MXI1: variants seen among roughly 807,000 people sequenced by gnomAD.
MXI1 encodes MAX interactor 1, dimerization protein.
Under a neutral mutation model 36.9 loss-of-function variants are expected in MXI1, and 18 were observed. That is an observed-to-expected ratio of 0.49 (90% CI 0.34 to 0.72). The LOEUF (loss-of-function observed/expected upper bound fraction) is 0.72, where lower values mean the gene tolerates loss of function less well. Ranked by LOEUF, MXI1 falls within the 30% of genes least tolerant of loss-of-function variation. The probability of loss-of-function intolerance (pLI) is 0.01; values close to 1 mark genes in which losing one functional copy is unlikely to be tolerated. For synonymous variants in MXI1, 160 were observed against 146.7 expected (o/e 1.09, Z -0.65); for missense variants, 304 against 379.1 (o/e 0.80, Z 1.64).
chr10:110,247,583 C>G (rs1347626160), intron 3 of MXI1, among the ~76,000 whole-genome samples: 2 of 152,108 alleles, frequency 1.3e-5, no homozygotes, highest in African/African-American at 2.4e-5. Flanking sequence ...AGGAAGGGAT[C>G]CAGTTTCAGC....
intron 3 of MXI1, among the ~76,000 whole-genome samples, chr10:110,248,941 A>G (rs1056977166): frequency 6.6e-6 from 1 of 152,186 alleles, no homozygotes; most frequent in Admixed American, 6.5e-5. Context: ...AAAAACAAAA[A>G]TACTGGTAGA....
chr10:110,220,595 C>T (rs1328542272), intron 1 of MXI1, among the ~76,000 whole-genome samples: 1 of 152,110 alleles, frequency 6.6e-6, no homozygotes, highest in South Asian at 2.1e-4. Context: ...CAGGGCAACT[C>T]GAGGCCAGCT....
intron 4 of MXI1, 40 bp downstream of exon 4, chr10:110,279,334 T>C (rs761333195): frequency 1.3e-6 from 2 of 1,542,072 alleles, no homozygotes; most frequent in Non-Finnish European, 1.8e-6. Context: ...ATTCCCTCAG[T>C]TCTGGTTTAA....
rs557467858 is a variant in MXI1, at chr10:110,261,854, G to A, written c.437+16997G>A. Among the ~76,000 whole-genome samples, 3 of 152,128 alleles carry A rather than the reference G, an allele frequency of 2.0e-5. No individual in the cohort carries two copies. The South Asian group carries it at 6.2e-4, about 32-fold the overall frequency. The stretch of plus-strand genomic sequence containing the variant: ...CTTCTACTCATGTACAGATAGGCAT[G>A]AACAAGAATAACAAAAGTGTTTATA... On this transcript the variant is annotated intron_variant, in intron 3 of 5. Transcript: ENST00000332674.
intron 3 of MXI1, among the ~76,000 whole-genome samples, chr10:110,273,772 A>T (rs1348599491): frequency 6.6e-6 from 1 of 152,198 alleles, no homozygotes; most frequent in Non-Finnish European, 1.5e-5. Flanking sequence ...TGATTTAGTT[A>T]TCTGGTAAAG....
At chr10:110,260,239 C>T (rs11195049) in intron 3 of MXI1, among the ~76,000 whole-genome samples, 5 of 151,890 alleles carry the variant, frequency 3.3e-5, no homozygotes, top group Non-Finnish European at 5.9e-5. Context: ...TAAGTTAAAC[C>T]ACTTCTTGGA....
At chr10:110,268,917 G>A (rs1197347912) in intron 3 of MXI1, among the ~76,000 whole-genome samples, 7 of 152,168 alleles carry the variant, frequency 4.6e-5, no homozygotes, top group Admixed American at 3.3e-4. Context: ...GGTTGCAAAT[G>A]GCCTGTAAAT....
rs564138282 is a variant in MXI1, at chr10:110,245,575, T to TG, written c.437+719dup. Among the ~76,000 whole-genome samples, 9 of 152,296 alleles carry TG rather than the reference T, an allele frequency of 5.9e-5. No individual in the cohort carries two copies. In the East Asian group the frequency reaches 1.7e-3, roughly 29 times the overall value. On this transcript the variant is annotated intron_variant, in intron 3 of 5. Coordinates refer to ENST00000332674, the MANE Select transcript of MXI1 (RefSeq NM_130439.3). ...TGAGGAAACTGCAAAAGGTTCAGTG[T>TG]GACTATAAAAGATTGTAACATGAGT...
At chr10:110,230,605 C>G (rs899111608) in intron 2 of MXI1, among the ~76,000 whole-genome samples, 1 of 152,230 alleles carries the variant, frequency 6.6e-6, no homozygotes, top group Non-Finnish European at 1.5e-5. Context: ...AAATGAAACA[C>G]TAGAAATTAT....
At chr10:110,235,233 A>G (rs568237951) in intron 2 of MXI1, among the ~76,000 whole-genome samples, 1 of 152,356 alleles carries the variant, frequency 6.6e-6, no homozygotes, top group South Asian at 2.1e-4. Context: ...AAAGTACATG[A>G]GAGCAAATAT....
At chr10:110,273,663 A>G (rs373736458) in intron 3 of MXI1, among the ~76,000 whole-genome samples, 283 of 152,358 alleles carry the variant, frequency 1.9e-3, no homozygotes, top group African/African-American at 5.8e-3. Context: ...TGCAGCTTTG[A>G]AGAATGTGGC....
At chr10:110,219,821 A>G (rs1056090755) in intron 1 of MXI1, among the ~76,000 whole-genome samples, 1 of 152,260 alleles carries the variant, frequency 6.6e-6, no homozygotes, top group African/African-American at 2.4e-5. Flanking sequence ...TGCTTAAGGA[A>G]TATTTATTGA....
chr10:110,271,791 T>C (rs957149451), intron 3 of MXI1, among the ~76,000 whole-genome samples: 5 of 152,216 alleles, frequency 3.3e-5, no homozygotes, highest in Non-Finnish European at 7.3e-5. Flanking sequence ...GGCACTATTG[T>C]TTACTGATGA....
At chr10:110,276,582 G>A (rs1232643798) in intron 3 of MXI1, among the ~76,000 whole-genome samples, 1 of 151,076 alleles carries the variant, frequency 6.6e-6, no homozygotes, top group Non-Finnish European at 1.5e-5. Context: ...GTTTCTTTCT[G>A]TAGTCTTGAG....
At chr10:110,237,948 C>T (rs1472492994) in intron 2 of MXI1, among the ~76,000 whole-genome samples, 1 of 152,122 alleles carries the variant, frequency 6.6e-6, no homozygotes, top group East Asian at 1.9e-4. Context: ...AGCTGTTATG[C>T]TTATAATTGC....
intron 3 of MXI1, among the ~76,000 whole-genome samples, chr10:110,261,887 T>C: frequency 6.6e-6 from 1 of 152,058 alleles, no homozygotes; most frequent in Non-Finnish European, 1.5e-5. Flanking sequence ...ATAATAAAAA[T>C]TAGAAGTAAC....
rs1241525727 is a variant in MXI1, at chr10:110,286,048, C to G, written c.*1061C>G. 9.2e-5 allele frequency: 14 copies of G among 152,588 alleles called. No individual in the cohort carries two copies. The highest frequency in any genetic ancestry group is 3.1e-4 in the African/African-American group (13 of 41,420). The allele number at this position is 152,588 out of a possible 1,614,324, so 9.5% of individuals were successfully genotyped here. On this transcript the variant is annotated 3_prime_UTR_variant, in exon 6 of 6. Transcript: ENST00000332674. The stretch of plus-strand genomic sequence containing the variant: ...ATGATAAAACACCTCACACCTCACT[C>G]TTTATAGTGCACAAAATGAATGAGG...
At chr10:110,275,051 TTTTAGTAGACA>T (rs1856982225) in intron 3 of MXI1, among the ~76,000 whole-genome samples, 1 of 148,974 alleles carries the variant, frequency 6.7e-6, no homozygotes, top group South Asian at 2.1e-4. Flanking sequence ...ATTTTTGTAT[TTTTAGTAGACA>T]CAGGGTTTCA....
chr10:110,240,814 T>C lies in MXI1; in HGVS notation c.408-4014T>C, dbSNP rs377049985. Among the ~76,000 whole-genome samples the C allele has an allele frequency of 4.6e-5, 7 of 152,028 alleles. No individual in the cohort carries two copies. In the East Asian group the frequency reaches 7.7e-4, roughly 17 times the overall value. Reference sequence around the variant, plus strand: ...GGAGGGCAACATCTGTGAGGCACTTTAGGATTAGAAAGTAAGTTAAATGAA... The same window carrying C: ...GGAGGGCAACATCTGTGAGGCACTTCAGGATTAGAAAGTAAGTTAAATGAA... On this transcript the variant is annotated intron_variant, in intron 2 of 5. Transcript: ENST00000332674.
Sources: allele counts gnomAD v4.1 joint callset (sites outside exome capture counted in the v4.1 genomes callset), GRCh38; gene constraint gnomAD v4.1.1; transcripts MANE v1.5; gene names NCBI Gene and HGNC (gene_info 2026-07-23, HGNC 2026-07-21).